KDM4C: variants seen among roughly 807,000 people sequenced by gnomAD.
KDM4C encodes the protein lysine-specific demethylase 4C.
KDM4C carries 81 observed loss-of-function variants against 129.3 expected under a neutral mutation model. That is an observed-to-expected ratio of 0.63 (90% CI 0.52 to 0.75). The LOEUF (loss-of-function observed/expected upper bound fraction) is 0.75, where lower values mean the gene tolerates loss of function less well. Ranked by LOEUF, KDM4C falls within the 30% of genes least tolerant of loss-of-function variation. KDM4C has a pLI of 0.00. For synonymous variants in KDM4C, 573 were observed against 456.1 expected (o/e 1.26, Z -3.26); for missense variants, 1,457 against 1,304.0 (o/e 1.12, Z -1.81).
chr9:7,159,937 G>C (rs947306526), intron 19 of KDM4C, among the ~76,000 whole-genome samples: 5 of 152,110 alleles, frequency 3.3e-5, no homozygotes, highest in South Asian at 4.1e-4. Flanking sequence ...TTCCAACTTG[G>C]TTCTATTCTC....
intron 5 of KDM4C, among the ~76,000 whole-genome samples, chr9:6,854,104 G>C (rs1163277058): frequency 6.6e-6 from 1 of 151,850 alleles, no homozygotes; most frequent in Non-Finnish European, 1.5e-5. Flanking sequence ...TAGAATAGGA[G>C]TTTCAGTGAT....
intron 1 of KDM4C, among the ~76,000 whole-genome samples, chr9:6,763,336 C>A (rs2130481155): frequency 6.6e-6 from 1 of 152,248 alleles, no homozygotes; most frequent in East Asian, 1.9e-4. Flanking sequence ...AGTTGCACTT[C>A]TTTGATTGAT....
At chr9:7,165,102 AC>A (rs1844238296) in intron 19 of KDM4C, 135 bp from the exon 20 acceptor site, 1 of 994,614 alleles carries the variant, frequency 1.0e-6, no homozygotes, top group East Asian at 2.6e-5. Context: ...TCCCCTGAAC[AC>A]CCATGCGAGA....
intron 8 of KDM4C, among the ~76,000 whole-genome samples, chr9:6,921,326 C>T (rs1721012545): frequency 1.3e-5 from 2 of 152,204 alleles, no homozygotes; most frequent in Non-Finnish European, 1.5e-5. Flanking sequence ...TTACTTCACA[C>T]GTCCGCTTGG....
Position 6,986,330 on chromosome 9 carries a change from T to C in KDM4C, c.1355-14T>C, listed in dbSNP as rs746582037. 4.4e-6 allele frequency: 7 copies of C among 1,576,074 alleles called. No homozygotes were observed. The highest frequency in any genetic ancestry group is 1.7e-4 in the Middle Eastern group (1 of 5,844). ...AGTGCATGATTTATTAACAGTCTTC[T>C]GTTTTATCCTCAGGAAACAGCTGCT... On this transcript the variant is annotated splice_polypyrimidine_tract_variant and intron_variant, in intron 10 of 21. Coordinates refer to ENST00000381309, the MANE Select transcript of KDM4C (RefSeq NM_015061.6).
chr9:7,081,674 A>T (rs16925298), intron 17 of KDM4C, among the ~76,000 whole-genome samples: 1 of 152,176 alleles, frequency 6.6e-6, no homozygotes, highest in Non-Finnish European at 1.5e-5. Context: ...CCCAGAGCCT[A>T]CAGGGATAAT....
intron 1 of KDM4C, among the ~76,000 whole-genome samples, chr9:6,743,921 T>TC (rs1474655560): frequency 6.6e-6 from 1 of 152,062 alleles, no homozygotes; most frequent in East Asian, 1.9e-4. Flanking sequence ...CTCCAATTTT[T>TC]TTTTTTTTTT....
chr9:6,915,584 C>A (rs1435334755), intron 8 of KDM4C, among the ~76,000 whole-genome samples: 2 of 152,138 alleles, frequency 1.3e-5, no homozygotes, highest in Non-Finnish European at 2.9e-5. Flanking sequence ...TTATTTTTAA[C>A]CCTTAAGAGA....
intron 12 of KDM4C, among the ~76,000 whole-genome samples, chr9:6,996,588 A>G (rs1286970787): frequency 6.6e-6 from 1 of 152,308 alleles, no homozygotes; most frequent in East Asian, 1.9e-4. Flanking sequence ...TTCTAATGCA[A>G]TTGTAAACTA....
At chr9:6,722,083 G>C (rs1448937576) in intron 1 of KDM4C, among the ~76,000 whole-genome samples, 1 of 152,184 alleles carries the variant, frequency 6.6e-6, no homozygotes, top group Non-Finnish European at 1.5e-5. Flanking sequence ...TAGAGGAACT[G>C]TTCCGTGCTG....
At chr9:6,830,721 T>G (rs1169271374) in intron 4 of KDM4C, among the ~76,000 whole-genome samples, 1 of 152,206 alleles carries the variant, frequency 6.6e-6, no homozygotes, top group Non-Finnish European at 1.5e-5. Flanking sequence ...CTGTGAAGAA[T>G]GAAGAATGAA....
intron 1 of KDM4C, among the ~76,000 whole-genome samples, chr9:6,721,916 C>T (rs575823305): frequency 9.3e-4 from 141 of 152,158 alleles, no homozygotes; most frequent in Middle Eastern, 6.8e-3. Context: ...GAGATTGGGT[C>T]TCACTATGCT....
chr9:6,940,488 A>G (rs898962533), intron 8 of KDM4C, among the ~76,000 whole-genome samples: 8 of 152,252 alleles, frequency 5.3e-5, no homozygotes, highest in African/African-American at 1.9e-4. Context: ...ATCCACCTCT[A>G]TAAAAATAAG....
At chr9:7,154,148 G>A (rs911690470) in intron 19 of KDM4C, among the ~76,000 whole-genome samples, 3 of 152,196 alleles carry the variant, frequency 2.0e-5, no homozygotes, top group African/African-American at 7.2e-5. Flanking sequence ...CATTAGACTG[G>A]GGAGAAGGGG....
intron 8 of KDM4C, among the ~76,000 whole-genome samples, chr9:6,918,667 C>T (rs1477199960): frequency 1.3e-5 from 2 of 152,192 alleles, no homozygotes; most frequent in African/African-American, 4.8e-5. Flanking sequence ...TCTCTACAGC[C>T]TCACTAGCAT....
In KDM4C at chr9:7,064,834, T is replaced by G. The variant is rs936706489; in HGVS notation, c.2424+15634T>G. ...TTCAGTTATTATTATCAGGGGACAG[T>G]GAACAACTGTCTTCTTCTAGGTGTC... On this transcript the variant is annotated intron_variant, in intron 17 of 21. Transcript: ENST00000381309. 2.6e-5 allele frequency among the ~76,000 whole-genome samples: 4 copies of G among 152,194 alleles called. No individual in the cohort carries two copies. In the East Asian group the frequency reaches 7.7e-4, roughly 29 times the overall value.
intron 12 of KDM4C, among the ~76,000 whole-genome samples, chr9:6,997,188 G>A (rs888384766): frequency 6.6e-6 from 1 of 151,708 alleles, no homozygotes; most frequent in Non-Finnish European, 1.5e-5. Flanking sequence ...CTGTTGTAAG[G>A]AGAGGGGGAA....
intron 5 of KDM4C, among the ~76,000 whole-genome samples, chr9:6,873,941 CG>C (rs1843175326): frequency 2.3e-5 from 3 of 132,080 alleles, no homozygotes; most frequent in African/African-American, 8.9e-5. Flanking sequence ...TGAGAGAGAG[CG>C]AGAGAGAGAG....
chr9:6,761,441 G>C lies in KDM4C; in HGVS notation c.-18+3238G>C, dbSNP rs532057255. ...CCTCTCTGTCTGCTGTGCTCTGGCAGTCCACCAGCCCCAGCCTCTCAAGTA... is the reference window on the plus strand; with the variant it reads ...CCTCTCTGTCTGCTGTGCTCTGGCACTCCACCAGCCCCAGCCTCTCAAGTA... On this transcript the variant is annotated intron_variant, in intron 1 of 21. Coordinates refer to ENST00000381309, the MANE Select transcript of KDM4C (RefSeq NM_015061.6). Among the ~76,000 whole-genome samples, 5 of 151,466 alleles carry C rather than the reference G, an allele frequency of 3.3e-5. No homozygotes were observed. In the East Asian group the frequency reaches 7.9e-4, roughly 24 times the overall value.
Sources: allele counts gnomAD v4.1 joint callset (sites outside exome capture counted in the v4.1 genomes callset), GRCh38; gene constraint gnomAD v4.1.1; transcripts MANE v1.5; gene names NCBI Gene and HGNC (gene_info 2026-07-23, HGNC 2026-07-21).